TCF7L1: variants seen among roughly 807,000 people sequenced by gnomAD.
TCF7L1 encodes transcription factor 7-like 1.
Under a neutral mutation model 63.7 loss-of-function variants are expected in TCF7L1, and 18 were observed. The observed-to-expected ratio is 0.28, with a 90% CI of 0.20 to 0.42. The LOEUF (loss-of-function observed/expected upper bound fraction) is 0.42. Ranked by LOEUF, TCF7L1 falls within the 10% of genes least tolerant of loss-of-function variation. TCF7L1 has a pLI of 1.00. For missense variants in TCF7L1, 654 were observed against 779.3 expected, an observed-to-expected ratio of 0.84 and a Z score of 1.91; for synonymous variants, 355 against 340.9, an observed-to-expected ratio of 1.04 and a Z score of -0.46.
intron 3 of TCF7L1, among the ~76,000 whole-genome samples, chr2:85,188,820 T>G (rs1440605691): frequency 6.6e-6 from 1 of 152,244 alleles, no homozygotes; most frequent in Non-Finnish European, 1.5e-5. Flanking sequence ...ATTTCCTTAG[T>G]AAAACTGCTA....
In TCF7L1 at chr2:85,300,286, C is replaced by T. The variant is rs1019069979; in HGVS notation, c.526-2198C>T. Among the ~76,000 whole-genome samples the T allele has an allele frequency of 3.9e-5, 6 of 151,962 alleles. 1 individual carries two copies. The highest frequency in any genetic ancestry group is 1.2e-4 in the African/African-American group (5 of 41,358). ...TTGGATTTATTTTACTAAAAGTCAC[C>T]CTTTAGACAAAGCTGTTTCCAGAAA... On this transcript the variant is annotated intron_variant, in intron 4 of 11. Coordinates refer to ENST00000282111, the MANE Select transcript of TCF7L1 (RefSeq NM_031283.3).
chr2:85,291,884 G>T (rs561757552), intron 4 of TCF7L1, among the ~76,000 whole-genome samples: 1 of 151,494 alleles, frequency 6.6e-6, no homozygotes, highest in African/African-American at 2.4e-5. Context: ...TTTATTATTT[G>T]TTGTAGAGAT....
chr2:85,304,107 TAGG>T, intron 6 of TCF7L1, 110 bp downstream of exon 6: 1 of 1,167,888 alleles, frequency 8.6e-7, no homozygotes, highest in Admixed American at 1.9e-5. Flanking sequence ...AGCCCAGGAC[TAGG>T]CCTCCCTGCC....
intron 4 of TCF7L1, among the ~76,000 whole-genome samples, chr2:85,287,971 C>G (rs771813564): frequency 6.6e-6 from 1 of 152,106 alleles, no homozygotes; most frequent in African/African-American, 2.4e-5. Flanking sequence ...TTCATAGAGT[C>G]GTTGTGCGAA....
intron 3 of TCF7L1, among the ~76,000 whole-genome samples, chr2:85,195,221 G>C (rs1405656932): frequency 6.6e-6 from 1 of 152,216 alleles, no homozygotes; most frequent in African/African-American, 2.4e-5. Flanking sequence ...AGACCTAATA[G>C]GGTTGTCATG....
chr2:85,261,319 A>C (rs1680853375), intron 3 of TCF7L1, among the ~76,000 whole-genome samples: 1 of 152,212 alleles, frequency 6.6e-6, no homozygotes. Context: ...AGTGTATTAC[A>C]CAGGCCAGAC....
chr2:85,287,404 A>G (rs528326999), intron 4 of TCF7L1, among the ~76,000 whole-genome samples: 1 of 152,314 alleles, frequency 6.6e-6, no homozygotes, highest in East Asian at 1.9e-4. Flanking sequence ...ATAAAATCCC[A>G]TCAAGAGAGC....
intron 3 of TCF7L1, among the ~76,000 whole-genome samples, chr2:85,275,419 A>G (rs1681248103): frequency 6.6e-6 from 1 of 152,162 alleles, no homozygotes; most frequent in South Asian, 2.1e-4. Flanking sequence ...TCATCCACAA[A>G]AGAAAGAATC....
intron 4 of TCF7L1, among the ~76,000 whole-genome samples, chr2:85,295,363 G>A (rs1470410112): frequency 6.6e-6 from 1 of 151,916 alleles, no homozygotes; most frequent in Non-Finnish European, 1.5e-5. Context: ...CCGCATGCCC[G>A]GCTAATTTTG....
chr2:85,295,748 T>C (rs1379944748), intron 4 of TCF7L1, among the ~76,000 whole-genome samples: 3 of 150,378 alleles, frequency 2.0e-5, no homozygotes, highest in East Asian at 3.9e-4. Context: ...CACAGTACAG[T>C]CCTCAAAATG....
intron 3 of TCF7L1, among the ~76,000 whole-genome samples, chr2:85,165,824 T>C (rs990882493): frequency 6.6e-6 from 1 of 152,230 alleles, no homozygotes; most frequent in Non-Finnish European, 1.5e-5. Flanking sequence ...GCTTCCCCAG[T>C]GGTGTCATCT....
At chr2:85,231,053 G>T (rs1273076835) in intron 3 of TCF7L1, among the ~76,000 whole-genome samples, 2 of 152,112 alleles carry the variant, frequency 1.3e-5, no homozygotes, top group African/African-American at 4.8e-5. Flanking sequence ...AACATTATAG[G>T]GTACTTGAAA....
At chr2:85,274,779 A>G (rs1681233867) in intron 3 of TCF7L1, among the ~76,000 whole-genome samples, 1 of 152,246 alleles carries the variant, frequency 6.6e-6, no homozygotes, top group Non-Finnish European at 1.5e-5. Flanking sequence ...CCACCGAACC[A>G]GACCTGTCTC....
At chr2:85,198,788 G>C (rs1679213019) in intron 3 of TCF7L1, among the ~76,000 whole-genome samples, 1 of 152,190 alleles carries the variant, frequency 6.6e-6, no homozygotes, top group African/African-American at 2.4e-5. Context: ...ATGAGCCCAA[G>C]AGGTTGAGGC....
chr2:85,173,039 G>A (rs538334800), intron 3 of TCF7L1, among the ~76,000 whole-genome samples: 8 of 152,370 alleles, frequency 5.3e-5, no homozygotes, highest in Non-Finnish European at 1.2e-4. Context: ...CTAAAAGAAC[G>A]AATAAATGAG....
intron 3 of TCF7L1, among the ~76,000 whole-genome samples, chr2:85,180,474 C>T (rs888988779): frequency 2.6e-5 from 4 of 152,102 alleles, no homozygotes; most frequent in African/African-American, 9.7e-5. Flanking sequence ...ACACCCCGCA[C>T]ATTATCATAC....
intron 3 of TCF7L1, among the ~76,000 whole-genome samples, chr2:85,276,641 C>T (rs1681278249): frequency 6.6e-6 from 1 of 152,218 alleles, no homozygotes; most frequent in Non-Finnish European, 1.5e-5. Flanking sequence ...CTCTCCCCTG[C>T]TCTAAAGGCT....
chr2:85,141,755 G>A (rs554670336), intron 3 of TCF7L1, among the ~76,000 whole-genome samples: 1 of 152,364 alleles, frequency 6.6e-6, no homozygotes, highest in East Asian at 1.9e-4. Flanking sequence ...CATCCGTGGA[G>A]GGTGCTGTAT....
At chr2:85,229,122 G>A (rs936274996) in intron 3 of TCF7L1, among the ~76,000 whole-genome samples, 6 of 151,682 alleles carry the variant, frequency 4.0e-5, no homozygotes, top group East Asian at 3.9e-4. Context: ...TGAGGCGTGC[G>A]GATCACAAGG....
Sources: allele counts gnomAD v4.1 joint callset (sites outside exome capture counted in the v4.1 genomes callset), GRCh38; gene constraint gnomAD v4.1.1; transcripts MANE v1.5; gene names NCBI Gene and HGNC (gene_info 2026-07-23, HGNC 2026-07-21).